The following IKBIP variants were observed in gnomAD, a reference collection of about 807,000 sequenced individuals.
IKBIP encodes the protein inhibitor of nuclear factor kappa-B kinase-interacting protein.
Under a neutral mutation model 31.0 loss-of-function variants are expected in IKBIP, and 28 were observed. The observed-to-expected ratio is 0.90, with a 90% CI of 0.67 to 1.24. The LOEUF (loss-of-function observed/expected upper bound fraction) is 1.24. Ranked by LOEUF, IKBIP falls within the 50% of genes most tolerant of loss-of-function variation. The pLI, the probability that IKBIP is intolerant of heterozygous loss-of-function variation, is 0.00. For missense variants in IKBIP, 453 were observed against 441.9 expected, an observed-to-expected ratio of 1.03 and a Z score of -0.23; for synonymous variants, 164 against 160.3, an observed-to-expected ratio of 1.02 and a Z score of -0.17.
chr12:98,638,298 A>C (rs1342662717), intron 1 of IKBIP, among the ~76,000 whole-genome samples: 1 of 151,916 alleles, frequency 6.6e-6, no homozygotes, highest in Non-Finnish European at 1.5e-5. Flanking sequence ...TTTTAATCTT[A>C]TTTTTTAAAG....
exon 3 of IKBIP, chr12:98,613,847 T>C (rs1304879278): frequency 1.2e-6 from 2 of 1,612,622 alleles, no homozygotes; most frequent in African/African-American, 1.3e-5. Context: ...TCTGTCACCT[T>C]CTAAGCTTAG....
intron 1 of IKBIP, among the ~76,000 whole-genome samples, chr12:98,640,324 C>T (rs577377681): frequency 6.6e-6 from 1 of 152,190 alleles, no homozygotes; most frequent in Non-Finnish European, 1.5e-5. Flanking sequence ...ATCCCAGCTA[C>T]TCGGGAGGCT....
At chr12:98,639,297 C>T (rs11109554) in intron 1 of IKBIP, among the ~76,000 whole-genome samples, 3,932 of 152,316 alleles carry the variant, frequency 0.026, 156 homozygotes, top group African/African-American at 0.087. Context: ...CGACCACTTG[C>T]ACTTGATAGA....
chr12:98,626,603 T>C lies in IKBIP; in HGVS notation c.461A>G (p.Asn154Ser), dbSNP rs750797422. Residue 154 changes from asparagine to serine, a missense_variant, in exon 3 of 3, where the codon AAT becomes AGT. Physicochemically the swap from Asn to Ser is conservative, Grantham distance 46. Coordinates refer to ENST00000299157, the MANE Select transcript of IKBIP (RefSeq NM_153687.4). ...RMQSLNEKFQ[N>S]ITDFWKRSLE... ...GCTTCTCTTCCAGAAATCCGTAATA[T>C]TCTGAAATTTCTCATTAAGGCTTTG... 4.3e-6 allele frequency: 7 copies of C among 1,613,664 alleles called. No individual in the cohort carries two copies. The African/African-American group carries it at 6.7e-5, about 15-fold the overall frequency.
intron 2 of IKBIP, among the ~76,000 whole-genome samples, chr12:98,614,999 C>T (rs1293625788): frequency 1.3e-5 from 2 of 152,126 alleles, no homozygotes; most frequent in Non-Finnish European, 2.9e-5. Flanking sequence ...GAAGTTTCCT[C>T]CAGTTGAGCT....
Position 98,626,195 on chromosome 12 carries a change from A to C in IKBIP, c.869T>G (p.Leu290Arg), listed in dbSNP as rs2097614096. The C allele has an allele frequency of 1.9e-6, 3 of 1,613,820 alleles. No individual in the cohort carries two copies. Among genetic ancestry groups the C allele is most frequent in the Non-Finnish European group, 2.5e-6 (3 of 1,179,862 alleles). Reference sequence around the variant, plus strand: ...TTCCATTTTCTTTTCTGTTTCTATCAGATCCTGAGAGACTCTGAGAACAGA... The same window carrying C: ...TTCCATTTTCTTTTCTGTTTCTATCCGATCCTGAGAGACTCTGAGAACAGA... ...IHSVLRVSQD[L>R]IETEKKMEDL... is the part of the protein sequence containing the mutation. The change falls in exon 3 of 3, where the codon CTG becomes CGG. Residue 290 changes from leucine to arginine, a missense_variant. Leu to Arg is a moderately radical substitution (Grantham distance 102). Transcript: ENST00000299157.
intron 2 of IKBIP, among the ~76,000 whole-genome samples, chr12:98,631,663 C>T (rs2097620281): frequency 6.7e-6 from 1 of 148,672 alleles, no homozygotes; most frequent in East Asian, 2.2e-4. Flanking sequence ...GTCCCAGCTA[C>T]TCGGGAGGCT....
In IKBIP at chr12:98,624,489, T is replaced by G; in HGVS notation, c.*1441A>C. On this transcript the variant is annotated 3_prime_UTR_variant, in exon 3 of 3. Transcript: ENST00000299157. ...GGGGGTTCTCCAAAAACTTGCAAAT[T>G]TACATATTAAAACTACTTGACCACA... 1 of 985,330 alleles carries G rather than the reference T, an allele frequency of 1.0e-6. No homozygotes were observed. Among genetic ancestry groups the G allele is most frequent in the Non-Finnish European group, 1.2e-6 (1 of 829,884 alleles). 61.0% of individuals were successfully genotyped at this position (985,330 alleles called of 1,614,324 possible). A position where few individuals can be genotyped will look rare whatever the true frequency, so the allele number is the denominator to read the frequency against.
At chr12:98,620,113 T>TTC (rs371039312), downstream of IKBIP, among the ~76,000 whole-genome samples, 2 of 143,558 alleles carry the variant, frequency 1.4e-5, no homozygotes, top group Non-Finnish European at 3.1e-5. Context: ...TTTTTTTTTT[T>TTC]AGTAGAGACG....
chr12:98,614,204 T>C (rs748843217), exon 3 of IKBIP: 1 of 1,614,004 alleles, frequency 6.2e-7, no homozygotes, highest in Middle Eastern at 1.7e-4. Flanking sequence ...CGTCAGACTG[T>C]TGTTCAGTAT....
At chr12:98,644,310 C>T (rs575463501) in intron 1 of IKBIP, among the ~76,000 whole-genome samples, 62 of 152,156 alleles carry the variant, frequency 4.1e-4, no homozygotes, top group Non-Finnish European at 7.8e-4. Flanking sequence ...GCGATAGGGG[C>T]ATGCTACCAG....
chr12:98,635,899 G>A (rs937981142), intron 1 of IKBIP, among the ~76,000 whole-genome samples: 6 of 152,332 alleles, frequency 3.9e-5, no homozygotes, highest in East Asian at 1.9e-4. Flanking sequence ...GATGTGACTC[G>A]TATAGGTGTA....
At chr12:98,630,376 C>CAAAAAAAAAAAAAAAAAAAAA (rs61623957) in intron 2 of IKBIP, among the ~76,000 whole-genome samples, 2 of 41,300 alleles carry the variant, frequency 4.8e-5, no homozygotes, top group African/African-American at 2.4e-4. Context: ...AGAGCCTGGG[C>CAAAAAAAAAAAAAAAAAAAAA]AAAAAAAAAA....
chr12:98,642,140 G>A (rs2097631071), intron 1 of IKBIP, among the ~76,000 whole-genome samples: 1 of 152,164 alleles, frequency 6.6e-6, no homozygotes, highest in African/African-American at 2.4e-5. Context: ...TCCCAGGATA[G>A]TAACTAACTT....
chr12:98,643,493 A>G (rs1040050303), intron 1 of IKBIP, among the ~76,000 whole-genome samples: 6 of 151,440 alleles, frequency 4.0e-5, no homozygotes, highest in Non-Finnish European at 8.8e-5. Context: ...CTCCCGCCAG[A>G]AAAAAAAAGG....
intron 1 of IKBIP, among the ~76,000 whole-genome samples, chr12:98,634,844 C>T (rs547556748): frequency 7.3e-5 from 11 of 149,710 alleles, no homozygotes; most frequent in South Asian, 2.1e-4. Flanking sequence ...CGAGTAGCTA[C>T]GACTACAGGC....
chr12:98,632,294 C>A (rs1231672351), intron 2 of IKBIP, among the ~76,000 whole-genome samples: 1 of 150,446 alleles, frequency 6.6e-6, no homozygotes, highest in African/African-American at 2.4e-5. Flanking sequence ...TGTAGCAAGA[C>A]CCCGTCTCTC....
intron 1 of IKBIP, among the ~76,000 whole-genome samples, chr12:98,637,855 T>C (rs1184002024): frequency 6.6e-6 from 1 of 152,192 alleles, no homozygotes; most frequent in African/African-American, 2.4e-5. Flanking sequence ...AGATGACTGA[T>C]TTTCTAGAAG....
At chr12:98,637,143 T>C (rs1254987082) in intron 1 of IKBIP, among the ~76,000 whole-genome samples, 1 of 152,172 alleles carries the variant, frequency 6.6e-6, no homozygotes, top group Non-Finnish European at 1.5e-5. Context: ...TGTGTCATGT[T>C]AGTGGAAATA....
Sources: gnomAD v4.1 joint callset for allele counts (sites outside exome capture counted in the v4.1 genomes callset) on GRCh38, gnomAD v4.1.1 for gene constraint, MANE v1.5 for transcripts, NCBI Gene and HGNC (gene_info 2026-07-23, HGNC 2026-07-21) for gene names.